Variants in COASY observed in about 807,000 individuals in gnomAD.
COASY encodes Coenzyme A synthase.
COASY carries 31 observed loss-of-function variants against 49.4 expected under a neutral mutation model. That is an observed-to-expected ratio of 0.63 (90% CI 0.47 to 0.85). The LOEUF (loss-of-function observed/expected upper bound fraction) is 0.85. COASY is among the 40% of genes least tolerant of loss of function. The pLI, the probability that COASY is intolerant of heterozygous loss-of-function variation, is 0.00. For missense variants in COASY, 730 were observed against 734.1 expected, an observed-to-expected ratio of 0.99 and a Z score of 0.06; for synonymous variants, 285 against 310.9, an observed-to-expected ratio of 0.92 and a Z score of 0.88.
chr17:42,565,276 T>C lies in COASY; in HGVS notation c.1352T>C (p.Leu451Pro). ...TDIMWPIIAK[L>P]AREEMDRAVA... Reference sequence around the variant, plus strand: ...ATTATGTGGCCAATTATCGCAAAGCTGGCCCGAGAGGAGATGGATCGGGCT... The same window carrying C: ...ATTATGTGGCCAATTATCGCAAAGCCGGCCCGAGAGGAGATGGATCGGGCT... The change falls in exon 6 of 9, where the codon CTG becomes CCG. Residue 451 changes from leucine to proline, a missense_variant. Transcript: ENST00000393818. The C allele has an allele frequency of 6.2e-7, 1 of 1,614,156 alleles. No individual in the cohort carries two copies. The highest frequency in any genetic ancestry group is 8.5e-7 in the Non-Finnish European group (1 of 1,180,028).
At position 42,565,957 on chromosome 17, in the gene COASY, G is replaced by T; in HGVS notation, c.1684G>T (p.Ala562Ser). ...LQKRIPKTHQALD is the reference protein window; with the variant it reads ...LQKRIPKTHQSLD ...GAAGCGCATTCCCAAGACTCATCAG[G>T]CCCTCGACTGAAAAGTTCTCAGTGG... The change falls in exon 9 of 9, where the codon GCC becomes TCC. Residue 562 changes from alanine (A) to serine (S), a missense_variant. By Grantham distance (99) the Ala-to-Ser change is moderately conservative. Transcript: ENST00000393818. 6.2e-7 allele frequency: 1 copy of T among 1,613,844 alleles called. No homozygotes were observed.
intron 1 of COASY, 41 bp downstream of exon 1, chr17:42,563,363 A>G (rs376690899): frequency 2.0e-4 from 299 of 1,519,096 alleles, no homozygotes; most frequent in Non-Finnish European, 2.6e-4. Context: ...AGGATCCCCA[A>G]ATCTCCCCAC....
rs1472213147 is a variant in COASY, at chr17:42,566,193, C to A, written c.*225C>A. Reference sequence around the variant, plus strand: ...GGGAGCAGTCCCCTCCCCACTCTTGCCCATGGGTGACTCTTACCCACAGCT... The same window carrying A: ...GGGAGCAGTCCCCTCCCCACTCTTGACCATGGGTGACTCTTACCCACAGCT... On this transcript the variant is annotated 3_prime_UTR_variant, in exon 9 of 9. Transcript: ENST00000393818. 2 of 583,752 alleles carry A rather than the reference C, an allele frequency of 3.4e-6. No individual in the cohort carries two copies. Among genetic ancestry groups the A allele is most frequent in the East Asian group, 2.8e-5 (1 of 35,102 alleles). The allele number at this position is 583,752 out of a possible 1,614,324, so 36.2% of individuals were successfully genotyped here. A position where few individuals can be genotyped will look rare whatever the true frequency, so the allele number is the denominator to read the frequency against.
Position 42,564,185 on chromosome 17 carries a change from G to A in COASY, c.915+10G>A. 1.2e-6 allele frequency: 2 copies of A among 1,613,130 alleles called. No homozygotes were observed. The highest frequency in any genetic ancestry group is 2.2e-5 in the South Asian group (2 of 91,022). ...CTTCCGCCTTGAGAATGTAACCCCTGAGGGAGACTGGCAGAGGGAGTGGAT... is the reference window on the plus strand; with the variant it reads ...CTTCCGCCTTGAGAATGTAACCCCTAAGGGAGACTGGCAGAGGGAGTGGAT... On this transcript the variant is annotated intron_variant, in intron 2 of 8. Coordinates refer to ENST00000393818, the MANE Select transcript of COASY (RefSeq NM_025233.7).
At position 42,564,075 on chromosome 17, in the gene COASY, C is replaced by T; in HGVS notation, c.815C>T (p.Pro272Leu). 2 of 1,614,112 alleles carry T rather than the reference C, an allele frequency of 1.2e-6. No individual in the cohort carries two copies. The highest frequency in any genetic ancestry group is 1.7e-6 in the Non-Finnish European group (2 of 1,180,002). ...LTFDVIPLLD[P>L]YGPAGSDPSL... ...TTTGATGTCATCCCCCTGCTGGACC[C>T]CTATGGGCCCGCTGGCTCTGACCCC... is the stretch of plus-strand genomic sequence containing the variant. Residue 272 changes from proline (P) to leucine (L), a missense_variant, in exon 2 of 9, where the codon CCC (proline) becomes CTC (leucine). By Grantham distance (98) the Pro-to-Leu change is moderately conservative. Coordinates refer to ENST00000393818, the MANE Select transcript of COASY (RefSeq NM_025233.7).
At chr17:42,563,548 A>G (rs920848152) in intron 1 of COASY, 1 of 560,928 alleles carries the variant, frequency 1.8e-6, no homozygotes, top group African/African-American at 1.9e-5. Flanking sequence ...ATGTGAAGCA[A>G]AGGGATCTGC....
rs760336973 is a variant in COASY, at chr17:42,565,653, G to A, written c.1486-6G>A. 9.3e-6 allele frequency: 15 copies of A among 1,613,998 alleles called. No homozygotes were observed. Among genetic ancestry groups the A allele is most frequent in the Admixed American group, 3.3e-5 (2 of 60,012 alleles). Reference sequence around the variant, plus strand: ...TCTTCCTGACAAATGTCTCGTCTGTGCTCAGGCTGTAAGACGCATTGTGGA... The same window carrying A: ...TCTTCCTGACAAATGTCTCGTCTGTACTCAGGCTGTAAGACGCATTGTGGA... On this transcript the variant is annotated splice_polypyrimidine_tract_variant and splice_region_variant and intron_variant, in intron 7 of 8. Coordinates refer to ENST00000393818, the MANE Select transcript of COASY (RefSeq NM_025233.7).
rs768824427 is a variant in COASY at position 42,565,698 on chromosome 17, G to C, written c.1525G>C (p.Ala509Pro). The C allele has an allele frequency of 1.5e-5, 24 of 1,614,070 alleles. No individual in the cohort carries two copies. The East Asian group carries it at 3.8e-4, about 25-fold the overall frequency. Residue 509 changes from alanine (A) to proline (P), a missense_variant, in exon 8 of 9, where the codon GCC becomes CCC. Coordinates refer to ENST00000393818, the MANE Select transcript of COASY (RefSeq NM_025233.7). ...RIVERDGLSE[A>P]AAQSRLQSQM... ...TGTGGAGAGGGATGGCCTCAGTGAA[G>C]CCGCGGCTCAAAGCCGGCTGCAGAG...
chr17:42,563,627 G>C (rs866843182), intron 1 of COASY: 2 of 517,182 alleles, frequency 3.9e-6, no homozygotes, highest in South Asian at 2.6e-5. Context: ...GTGAGCTGCA[G>C]GTAGCAGTGC....
Position 42,564,039 on chromosome 17 carries a change from C to T in COASY, c.779C>T (p.Pro260Leu). 6.2e-7 allele frequency: 1 copy of T among 1,614,068 alleles called. No individual in the cohort carries two copies. The highest frequency in any genetic ancestry group is 8.5e-7 in the Non-Finnish European group (1 of 1,179,992). The stretch of plus-strand genomic sequence containing the variant: ...AGTGAATTCCTGGTGGACATCAAGC[C>T]CTCCTTGACTTTTGATGTCATCCCC... ...HLSEFLVDIK[P>L]SLTFDVIPLL... is the part of the protein sequence containing the mutation. Residue 260 changes from proline (P) to leucine (L), a missense_variant, in exon 2 of 9, where the codon CCC (proline) becomes CTC (leucine). Coordinates refer to ENST00000393818, the MANE Select transcript of COASY (RefSeq NM_025233.7).
intron 1 of COASY, chr17:42,563,746 A>G (rs2092988767): frequency 3.6e-6 from 2 of 555,232 alleles, no homozygotes; most frequent in Non-Finnish European, 6.3e-6. Context: ...CTGGTGGCTT[A>G]TTCTCTGGAC....
At chr17:42,563,923 T>TA in intron 1 of COASY, 38 bp from the exon 2 acceptor site, 1 of 1,531,094 alleles carries the variant, frequency 6.5e-7, no homozygotes, top group South Asian at 1.2e-5. Context: ...TCCTCCCCAA[T>TA]AAAAAGATCT....
chr17:42,562,612 G>A lies in COASY; in HGVS notation c.-11G>A. ...GCCTCGTCTCCCTGACTGTCCGCAG[G>A]CCTGGGCAGCATGGCCGTATTCCGG... On this transcript the variant is annotated 5_prime_UTR_variant, in exon 1 of 9. Transcript: ENST00000393818. 1.3e-6 allele frequency: 2 copies of A among 1,533,540 alleles called. No individual in the cohort carries two copies. Among genetic ancestry groups the A allele is most frequent in the Non-Finnish European group, 1.7e-6 (2 of 1,145,020 alleles). The allele number at this position is 1,533,540 out of a possible 1,614,324, so 95.0% of individuals were successfully genotyped here. A position where few individuals can be genotyped will look rare whatever the true frequency, so the allele number is the denominator to read the frequency against.
chr17:42,565,531 T>C lies in COASY; in HGVS notation c.1448T>C (p.Val483Ala), dbSNP rs1489557824. 6.2e-7 allele frequency: 1 copy of C among 1,614,050 alleles called. No homozygotes were observed. Among genetic ancestry groups the C allele is most frequent in the Non-Finnish European group, 8.5e-7 (1 of 1,180,036 alleles). ...CTTGAAGCCGGCTGGCAGAACCTGG[T>C]CCATGAGGTGTGGACTGCTGTCATC... ...VLLEAGWQNL[V>A]HEVWTAVIPE... Residue 483 changes from valine to alanine, a missense_variant, in exon 7 of 9, where the codon GTC becomes GCC. Transcript: ENST00000393818.
rs970915779 is a variant in COASY, at chr17:42,563,205, G to A, written c.583G>A (p.Ala195Thr). The A allele has an allele frequency of 6.2e-7, 1 of 1,613,778 alleles. No homozygotes were observed. The highest frequency in any genetic ancestry group is 8.5e-7 in the Non-Finnish European group (1 of 1,180,020). The change falls in exon 1 of 9, where the codon GCT becomes ACT. Residue 195 changes from alanine (A) to threonine (T), a missense_variant. Ala to Thr is a moderately conservative substitution (Grantham distance 58). Transcript: ENST00000393818. ...KQPVRGYYRGAVGGTFDRLHN... is the reference protein window; with the variant it reads ...KQPVRGYYRGTVGGTFDRLHN... ...GCCGGTGCGTGGCTACTACCGTGGC[G>A]CTGTCGGTGGCACGTTTGACCGCCT...
Position 42,562,459 on chromosome 17 carries a change from G to A in COASY, c.-164G>A. On this transcript the variant is annotated 5_prime_UTR_variant, in exon 1 of 9. Coordinates refer to ENST00000393818, the MANE Select transcript of COASY (RefSeq NM_025233.7). ...CACAGCCCCGAGGCGCCGTCTACCA[G>A]GCCCCGTCCCCTCCCCCGGCTCCTG... is the stretch of plus-strand genomic sequence containing the variant. The A allele has an allele frequency of 6.2e-7, 1 of 1,613,846 alleles. No individual in the cohort carries two copies. Among genetic ancestry groups the A allele is most frequent in the Non-Finnish European group, 8.5e-7 (1 of 1,179,848 alleles).
Position 42,564,448 on chromosome 17 carries a change from C to T in COASY, c.918C>T (p.Asp306=). ...MAINRFRLEN[D]LEELALYQIQ... is the part of the protein sequence containing the mutation. ...TTACCCTTTCCTCTTTACCCCAGGA[C>T]CTGGAGGAACTTGCTTTGTACCAGA... The change falls in exon 3 of 9, where the codon GAC becomes GAT. Residue 306 remains aspartate (D), a splice_region_variant and synonymous_variant. Transcript: ENST00000393818. 6.2e-7 allele frequency: 1 copy of T among 1,614,026 alleles called. No individual in the cohort carries two copies. The highest frequency in any genetic ancestry group is 8.5e-7 in the Non-Finnish European group (1 of 1,179,994).
In COASY at chr17:42,562,601, A is replaced by C. The variant is rs780191999; in HGVS notation, c.-22A>C. ...CAGTCACCGTCGCCTCGTCTCCCTG[A>C]CTGTCCGCAGGCCTGGGCAGCATGG... On this transcript the variant is annotated 5_prime_UTR_variant, in exon 1 of 9. Coordinates refer to ENST00000393818, the MANE Select transcript of COASY (RefSeq NM_025233.7). 11 of 1,539,354 alleles carry C rather than the reference A, an allele frequency of 7.1e-6. No homozygotes were observed. In the Admixed American group the frequency reaches 2.0e-4, roughly 28 times the overall value.
At position 42,565,236 on chromosome 17, in the gene COASY, A is replaced by G. The variant is rs1388209698; in HGVS notation, c.1312A>G (p.Lys438Glu). 39 of 1,614,106 alleles carry G rather than the reference A, an allele frequency of 2.4e-5. No individual in the cohort carries two copies. Among genetic ancestry groups the G allele is most frequent in the Non-Finnish European group, 3.2e-5 (38 of 1,180,002 alleles). ...CTGTTCCCCTCCCCAGAAGCAGCTG[A>G]AGATACTCACGGACATTATGTGGCC... Reference protein sequence around the residue: ...SRVFGNKKQLKILTDIMWPII... With the variant: ...SRVFGNKKQLEILTDIMWPII... The change falls in exon 6 of 9, where the codon AAG (lysine) becomes GAG (glutamate). Residue 438 changes from lysine (K) to glutamate (E), a missense_variant. Physicochemically the swap from Lys to Glu is moderately conservative, Grantham distance 56. Transcript: ENST00000393818.
Sources: allele counts gnomAD v4.1 joint callset, GRCh38; gene constraint gnomAD v4.1.1; transcripts MANE v1.5; gene names NCBI Gene and HGNC (gene_info 2026-07-23, HGNC 2026-07-21).